TMEM178B: variants seen among roughly 807,000 people sequenced by gnomAD.
TMEM178B encodes transmembrane protein 178B.
In TMEM178B, 5 loss-of-function variants were observed where a neutral mutation model predicts 31.0. The ratio of observed to expected loss-of-function variants is 0.16; its 90% CI spans 0.08 to 0.34. The LOEUF is 0.34. TMEM178B is among the 10% of genes least tolerant of loss of function. The pLI is 1.00. For synonymous variants in TMEM178B, 164 were observed against 164.0 expected, an observed-to-expected ratio of 1.00 and a Z score of 0.00; for missense variants, 275 against 400.3, an observed-to-expected ratio of 0.69 and a Z score of 2.67.
At chr7:141,366,029 G>A (rs1159802655) in intron 2 of TMEM178B, among the ~76,000 whole-genome samples, 2 of 152,176 alleles carry the variant, frequency 1.3e-5, no homozygotes, top group African/African-American at 2.4e-5. Context: ...ATGCAATAAT[G>A]TTGGGAGAAA....
chr7:141,175,892 G>A (rs1354764080), intron 1 of TMEM178B, among the ~76,000 whole-genome samples: 1 of 152,194 alleles, frequency 6.6e-6, no homozygotes, highest in Non-Finnish European at 1.5e-5. Flanking sequence ...ATACAAACAT[G>A]TCATCTGCAA....
rs997739508 is a variant in TMEM178B at position 141,200,863 on chromosome 7, G to C, written c.383-11728G>C. The stretch of plus-strand genomic sequence containing the variant: ...TGATTTTGGGTCATGACAAGGCTTT[G>C]TGTGTGTGTTTGGGTAGAGTTCTGC... On this transcript the variant is annotated intron_variant, in intron 1 of 3. Transcript: ENST00000565468. Among the ~76,000 whole-genome samples the C allele has an allele frequency of 5.8e-4, 88 of 152,164 alleles. 4 individuals are homozygous for C. The highest frequency in any genetic ancestry group is 2.9e-4 in the Non-Finnish European group (20 of 68,028).
At chr7:141,395,146 G>C (rs1312561385) in intron 2 of TMEM178B, among the ~76,000 whole-genome samples, 1 of 152,108 alleles carries the variant, frequency 6.6e-6, no homozygotes, top group Non-Finnish European at 1.5e-5. Context: ...CCTGATTCTA[G>C]TCCCTTAGTA....
chr7:141,491,244 G>T, the TMEM178B span, among the ~76,000 whole-genome samples: 1 of 152,062 alleles, frequency 6.6e-6, no homozygotes, highest in African/African-American at 2.4e-5. Context: ...GGTTTTCCAG[G>T]CTGGACTCAA....
intron 1 of TMEM178B, among the ~76,000 whole-genome samples, chr7:141,197,079 C>T (rs935198110): frequency 1.3e-5 from 2 of 152,188 alleles, no homozygotes; most frequent in Non-Finnish European, 1.5e-5. Flanking sequence ...AAAGGACATT[C>T]GTGGTGTCTG....
chr7:141,389,034 A>G (rs1318215916), intron 2 of TMEM178B, among the ~76,000 whole-genome samples: 1 of 152,194 alleles, frequency 6.6e-6, no homozygotes, highest in East Asian at 1.9e-4. Context: ...AACCGAGTCT[A>G]GTATAGTGTC....
At chr7:141,313,273 A>C (rs1292682237) in intron 2 of TMEM178B, among the ~76,000 whole-genome samples, 1 of 152,170 alleles carries the variant, frequency 6.6e-6, no homozygotes, top group Non-Finnish European at 1.5e-5. Flanking sequence ...CCTTCTGTCC[A>C]TGTCCTCACC....
intron 2 of TMEM178B, among the ~76,000 whole-genome samples, chr7:141,215,244 A>G (rs1331621145): frequency 6.6e-6 from 1 of 152,132 alleles, no homozygotes; most frequent in East Asian, 1.9e-4. Flanking sequence ...TGATTTCTTT[A>G]CTTGGTTTGA....
At chr7:141,183,270 C>G (rs533361799) in intron 1 of TMEM178B, among the ~76,000 whole-genome samples, 1 of 152,150 alleles carries the variant, frequency 6.6e-6, no homozygotes, top group East Asian at 1.9e-4. Context: ...TGATCTCTGG[C>G]GGCCTTCACA....
At chr7:141,415,637 T>C (rs973717546) in intron 2 of TMEM178B, among the ~76,000 whole-genome samples, 2 of 152,170 alleles carry the variant, frequency 1.3e-5, no homozygotes, top group Non-Finnish European at 2.9e-5. Context: ...CTTGGCAACC[T>C]ATCAGAAATC....
At chr7:141,302,498 G>T (rs1369405698) in intron 2 of TMEM178B, among the ~76,000 whole-genome samples, 1 of 152,196 alleles carries the variant, frequency 6.6e-6, no homozygotes, top group Non-Finnish European at 1.5e-5. Context: ...CTGGGGGAAA[G>T]AGGGAATGGG....
chr7:141,258,630 A>G (rs1056310478), intron 2 of TMEM178B, among the ~76,000 whole-genome samples: 3 of 152,206 alleles, frequency 2.0e-5, no homozygotes, highest in Admixed American at 6.5e-5. Flanking sequence ...TATTTCTTGT[A>G]AGGCAGGTCT....
At chr7:141,396,371 C>T (rs548278963) in intron 2 of TMEM178B, among the ~76,000 whole-genome samples, 2 of 152,228 alleles carry the variant, frequency 1.3e-5, no homozygotes, top group Admixed American at 1.3e-4. Flanking sequence ...CTCCCACCTG[C>T]CACTCGCCTG....
chr7:141,234,314 G>C (rs958586801), intron 2 of TMEM178B, among the ~76,000 whole-genome samples: 4 of 152,212 alleles, frequency 2.6e-5, no homozygotes, highest in Admixed American at 2.0e-4. Flanking sequence ...ATGATCTGGT[G>C]AGAGTTTTAT....
intron 1 of TMEM178B, among the ~76,000 whole-genome samples, chr7:141,084,614 A>C (rs563402997): frequency 2.0e-5 from 3 of 152,136 alleles, no homozygotes; most frequent in African/African-American, 7.2e-5. Context: ...GTTCTTAGAG[A>C]GAGATTTGTG....
intron 1 of TMEM178B, among the ~76,000 whole-genome samples, chr7:141,119,586 T>A (rs1795376181): frequency 6.6e-6 from 1 of 152,228 alleles, no homozygotes. Context: ...ACTCAGCGCA[T>A]CTTTATGAAC....
At chr7:141,438,952 G>T (rs1232842485) in intron 3 of TMEM178B, among the ~76,000 whole-genome samples, 1 of 151,934 alleles carries the variant, frequency 6.6e-6, no homozygotes. Context: ...AGAAACAAAT[G>T]TCAGTTAGAA....
chr7:141,078,379 A>G (rs2129170509), intron 1 of TMEM178B, among the ~76,000 whole-genome samples: 1 of 152,346 alleles, frequency 6.6e-6, no homozygotes, highest in South Asian at 2.1e-4. Flanking sequence ...ATAGACTTTG[A>G]CTTAAAGAGT....
At position 141,171,017 on chromosome 7, in the gene TMEM178B, TACACACACACACACAC is replaced by T. The variant is rs57427295; in HGVS notation, c.383-41541_383-41526del. On this transcript the variant is annotated intron_variant, in intron 1 of 3. Coordinates refer to ENST00000565468, the MANE Select transcript of TMEM178B (RefSeq NM_001195278.2). This position sits in a 1 kb window ranked among gnomAD's most constrained non-coding sequence, Gnocchi z 4.3. ...GTTCAGACTACACATCACACACACA[TACACACACACACACAC>T]ACACACACACACACACACACACACA... Among the ~76,000 whole-genome samples, 88,589 of 146,074 alleles carry T rather than the reference TACACACACACACACAC, an allele frequency of 0.61. 26,706 individuals carry two copies. Among genetic ancestry groups the T allele is most frequent in the Non-Finnish European group, 0.64 (42,297 of 66,088 alleles).
Sources: allele counts gnomAD v4.1 joint callset (sites outside exome capture counted in the v4.1 genomes callset), GRCh38; gene constraint gnomAD v4.1.1; non-coding constraint Gnocchi (gnomAD v3.1); transcripts MANE v1.5; gene names NCBI Gene and HGNC (gene_info 2026-07-23, HGNC 2026-07-21).